Variants in MARCHF1 observed in about 807,000 individuals in gnomAD.
The protein encoded by MARCHF1 is E3 ubiquitin-protein ligase MARCHF1.
Under a neutral mutation model 54.2 loss-of-function variants are expected in MARCHF1, and 40 were observed. The observed-to-expected ratio is 0.74, with a 90% confidence interval of 0.57 to 0.96. The LOEUF (loss-of-function observed/expected upper bound fraction) is 0.96, where lower values mean the gene tolerates loss of function less well. Among genes scored for constraint, MARCHF1 ranks in the 40% least tolerant of loss-of-function variants. MARCHF1 has a pLI of 0.00. For missense variants in MARCHF1, 586 were observed against 656.5 expected (o/e 0.89, Z 1.17); for synonymous variants, 236 against 236.3 (o/e 1.00, Z 0.01).
At chr4:164,252,390 T>G (rs552429985) in intron 1 of MARCHF1, among the ~76,000 whole-genome samples, 1 of 152,010 alleles carries the variant, frequency 6.6e-6, no homozygotes, top group East Asian at 1.9e-4. Flanking sequence ...TCACTTGAGC[T>G]AATCCCAAGG....
chr4:164,084,201 T>C (rs1560896316), intron 2 of MARCHF1, among the ~76,000 whole-genome samples: 1 of 151,964 alleles, frequency 6.6e-6, no homozygotes, highest in Non-Finnish European at 1.5e-5. Flanking sequence ...TTTTCTCCTA[T>C]CAAATTTTTT....
At chr4:164,027,362 TAAAAAA>T (rs59453843) in intron 2 of MARCHF1, among the ~76,000 whole-genome samples, 721 of 10,772 alleles carry the variant, frequency 0.067, 14 homozygotes, top group African/African-American at 0.1. Flanking sequence ...ATGGTACAGG[TAAAAAA>T]AAAAAAAAAA....
At chr4:164,205,728 T>A (rs943742317) in intron 1 of MARCHF1, among the ~76,000 whole-genome samples, 2 of 147,798 alleles carry the variant, frequency 1.4e-5, no homozygotes, top group African/African-American at 2.5e-5. Context: ...GTTGTCTATT[T>A]AAAAAAAAAA....
chr4:163,855,062 A>G (rs1299823811), intron 3 of MARCHF1, among the ~76,000 whole-genome samples: 1 of 152,194 alleles, frequency 6.6e-6, no homozygotes. Context: ...CAATCTGGTC[A>G]TTTATAACAT....
chr4:164,291,136 A>C (rs1734274585), intron 1 of MARCHF1, among the ~76,000 whole-genome samples: 1 of 152,006 alleles, frequency 6.6e-6, no homozygotes, highest in African/African-American at 2.4e-5. Flanking sequence ...ATCAGATTAC[A>C]AATTTAAAAT....
chr4:163,804,095 G>A (rs1028486417), intron 4 of MARCHF1, among the ~76,000 whole-genome samples: 12 of 152,170 alleles, frequency 7.9e-5, no homozygotes, highest in African/African-American at 2.9e-4. Context: ...AGATCACAGT[G>A]AAATGATCTG....
At chr4:163,909,177 T>A (rs1479821359) in intron 3 of MARCHF1, among the ~76,000 whole-genome samples, 1 of 152,164 alleles carries the variant, frequency 6.6e-6, no homozygotes, top group East Asian at 1.9e-4. Context: ...ATTAACTTAA[T>A]TTAATTTAAA....
At chr4:164,155,933 G>A (rs1458712702) in intron 1 of MARCHF1, among the ~76,000 whole-genome samples, 1 of 152,054 alleles carries the variant, frequency 6.6e-6, no homozygotes, top group Non-Finnish European at 1.5e-5. Flanking sequence ...TCTTTCAGTT[G>A]TGATACAAAG....
At chr4:163,592,567 G>T (rs765271913) in intron 7 of MARCHF1, among the ~76,000 whole-genome samples, 3 of 151,908 alleles carry the variant, frequency 2.0e-5, no homozygotes, top group African/African-American at 7.3e-5. Flanking sequence ...CAGTGGAGAA[G>T]AAGATAATGA....
At chr4:164,311,604 A>G (rs1171254343) in intron 1 of MARCHF1, among the ~76,000 whole-genome samples, 2 of 152,156 alleles carry the variant, frequency 1.3e-5, no homozygotes, top group Non-Finnish European at 2.9e-5. Context: ...GAAAAAAAAT[A>G]TGGTTCTAAA....
intron 8 of MARCHF1, among the ~76,000 whole-genome samples, chr4:163,577,756 T>C (rs974448697): frequency 9.2e-5 from 14 of 152,040 alleles, no homozygotes; most frequent in African/African-American, 3.1e-4. Flanking sequence ...ATTTTATATT[T>C]CATGAACACT....
intron 5 of MARCHF1, among the ~76,000 whole-genome samples, chr4:163,682,476 T>C (rs1744136078): frequency 6.6e-6 from 1 of 151,764 alleles, no homozygotes; most frequent in Non-Finnish European, 1.5e-5. Context: ...GGGGGAGAAA[T>C]GGTTTAGTGC....
intron 1 of MARCHF1, among the ~76,000 whole-genome samples, chr4:164,135,102 TCTTA>T (rs1248543517): frequency 6.6e-6 from 1 of 152,214 alleles, no homozygotes; most frequent in East Asian, 1.9e-4. Context: ...GTGTCTTCTT[TCTTA>T]CTTCTATTTT....
intron 1 of MARCHF1, among the ~76,000 whole-genome samples, chr4:164,304,925 T>G (rs932291724): frequency 6.6e-6 from 1 of 152,110 alleles, no homozygotes; most frequent in Non-Finnish European, 1.5e-5. Context: ...TTTATTTATT[T>G]TTTAGAACAA....
At chr4:164,043,501 C>T (rs912075591) in intron 2 of MARCHF1, among the ~76,000 whole-genome samples, 1 of 152,132 alleles carries the variant, frequency 6.6e-6, no homozygotes, top group African/African-American at 2.4e-5. Flanking sequence ...AACAGAGCAG[C>T]TGGACCCTCA....
At chr4:164,130,969 A>G (rs891064604) in intron 1 of MARCHF1, among the ~76,000 whole-genome samples, 10 of 152,116 alleles carry the variant, frequency 6.6e-5, no homozygotes, top group African/African-American at 2.4e-4. Flanking sequence ...ATTATCTGCC[A>G]TTTCTTTGTG....
intron 8 of MARCHF1, among the ~76,000 whole-genome samples, chr4:163,558,439 G>A (rs982636596): frequency 3.3e-5 from 5 of 152,138 alleles, no homozygotes; most frequent in African/African-American, 4.8e-5. Context: ...GAGATGCTTC[G>A]GAGAAGATAG....
At chr4:163,554,211 AG>A (rs1739209000) in intron 8 of MARCHF1, among the ~76,000 whole-genome samples, 1 of 152,206 alleles carries the variant, frequency 6.6e-6, no homozygotes, top group Non-Finnish European at 1.5e-5. Flanking sequence ...TTAAAGTAAT[AG>A]TAAGAGATAT....
chr4:163,984,749 A>C (rs1752829195), intron 3 of MARCHF1, among the ~76,000 whole-genome samples: 1 of 152,226 alleles, frequency 6.6e-6, no homozygotes, highest in Non-Finnish European at 1.5e-5. Context: ...CAAATCTCGA[A>C]TGTGAATTAA....
Sources: gnomAD v4.1 joint callset for allele counts (sites outside exome capture counted in the v4.1 genomes callset) on GRCh38, gnomAD v4.1.1 for gene constraint, MANE v1.5 for transcripts, NCBI Gene and HGNC (gene_info 2026-07-23, HGNC 2026-07-21) for gene names.